SCN3A: variants seen among roughly 807,000 people sequenced by gnomAD.
The protein encoded by SCN3A is sodium channel protein type 3 subunit alpha.
A neutral mutation model predicts 187.6 loss-of-function variants in SCN3A; 60 were observed. The ratio of observed to expected loss-of-function variants is 0.32; its 90% CI spans 0.26 to 0.40. SCN3A has a LOEUF of 0.40. Among genes scored for constraint, SCN3A ranks in the 10% least tolerant of loss-of-function variants. SCN3A has a pLI of 1.00. For synonymous variants in SCN3A, 788 were observed against 829.2 expected, an observed-to-expected ratio of 0.95 and a Z score of 0.85; for missense variants, 1,601 against 2,428.2, an observed-to-expected ratio of 0.66 and a Z score of 7.16.
intron 18 of SCN3A, among the ~76,000 whole-genome samples, chr2:165,123,642 A>G (rs1302916885): frequency 6.6e-6 from 1 of 152,202 alleles, no homozygotes; most frequent in Non-Finnish European, 1.5e-5. Flanking sequence ...TCAAAAACCT[A>G]AGAAACATGA....
intron 4 of SCN3A, 99 bp from the exon 5 acceptor site, chr2:165,168,924 A>G (rs1032196008): frequency 2.6e-6 from 2 of 769,848 alleles, no homozygotes; most frequent in African/African-American, 3.5e-5. Flanking sequence ...AAACTGTGAA[A>G]TTAATATTAT....
chr2:165,158,212 C>T (rs1190086320), intron 9 of SCN3A, among the ~76,000 whole-genome samples: 3 of 93,372 alleles, frequency 3.2e-5, no homozygotes, highest in Non-Finnish European at 5.6e-5. Flanking sequence ...TCTATACTAC[C>T]ATTGGAAACA....
Position 165,097,362 on chromosome 2 carries a change from C to T in SCN3A, c.4129G>A (p.Asp1377Asn), listed in dbSNP as rs754043732. 8.1e-6 allele frequency: 13 copies of T among 1,613,902 alleles called. No homozygotes were observed. Among genetic ancestry groups the T allele is most frequent in the Non-Finnish European group, 1.0e-5 (12 of 1,179,978 alleles). Residue 1377 changes from aspartate to asparagine, a missense_variant, in exon 23 of 28, where the codon GAT becomes AAT. Physicochemically the swap from Asp to Asn is conservative, Grantham distance 23. This residue lies in a region of SCN3A where 320 missense variants were observed against 623.2 expected (regional missense o/e 0.51). Transcript: ENST00000283254. Reference protein sequence around the residue: ...MTTGNMFDISDVNNLSDCQAL... With the variant: ...MTTGNMFDISNVNNLSDCQAL... ...TGACAGTCACTCAAATTGTTAACATCACTAATGTCAAACATGTTACCCGTT... is the reference window on the plus strand; with the variant it reads ...TGACAGTCACTCAAATTGTTAACATTACTAATGTCAAACATGTTACCCGTT...
intron 1 of SCN3A, among the ~76,000 whole-genome samples, chr2:165,200,234 T>A (rs1171548009): frequency 6.6e-6 from 1 of 152,082 alleles, no homozygotes; most frequent in Non-Finnish European, 1.5e-5. Context: ...GGGTAATTAA[T>A]CCTCACAGTT....
Position 165,094,491 on chromosome 2 carries a change from T to G in SCN3A, c.4432-13A>C. 6.5e-7 allele frequency: 1 copy of G among 1,531,972 alleles called. No homozygotes were observed. Among genetic ancestry groups the G allele is most frequent in the Non-Finnish European group, 9.0e-7 (1 of 1,105,590 alleles). The allele number at this position is 1,531,972 out of a possible 1,614,324, so 94.9% of individuals were successfully genotyped here. A position where few individuals can be genotyped will look rare whatever the true frequency, so the allele number is the denominator to read the frequency against. The stretch of plus-strand genomic sequence containing the variant: ...CTTGACCTCCAAAGTAAAGACATAG[T>G]ATAAAACTGGTTACAATTCTGTGTT... On this transcript the variant is annotated splice_polypyrimidine_tract_variant and intron_variant, in intron 25 of 27. Coordinates refer to ENST00000283254, the MANE Select transcript of SCN3A (RefSeq NM_006922.4).
chr2:165,194,455 G>A (rs1206476133), intron 1 of SCN3A, among the ~76,000 whole-genome samples: 1 of 152,062 alleles, frequency 6.6e-6, no homozygotes, highest in Non-Finnish European at 1.5e-5. Flanking sequence ...TGTTCCTGAG[G>A]TAGGTGTGTC....
intron 22 of SCN3A, chr2:165,097,752 G>C: frequency 1.7e-6 from 1 of 578,736 alleles, no homozygotes; most frequent in Non-Finnish European, 3.0e-6. Flanking sequence ...AGTATGAAAA[G>C]AAATCATTAA....
Position 165,176,348 on chromosome 2 carries a change from AGGCGG to A in SCN3A, c.42_46del (p.Arg15PhefsTer3), listed in dbSNP as rs1351941304. The A allele has an allele frequency of 6.2e-7, 1 of 1,613,972 alleles. No individual in the cohort carries two copies. The highest frequency in any genetic ancestry group is 1.3e-5 in the African/African-American group (1 of 74,914). On this transcript the variant is annotated frameshift_variant, in exon 3 of 28. Coordinates refer to ENST00000283254, the MANE Select transcript of SCN3A (RefSeq NM_006922.4). LOFTEE classifies it high-confidence loss of function. ...AGCAGCAAGAGATTCTCTAGTAAAA[AGGCGG>A]AAGCTTTCAGGTCCTGGGGGTACCA... is the stretch of plus-strand genomic sequence containing the variant.
chr2:165,130,494 T>C (rs1402499273), intron 16 of SCN3A, 198 bp from the exon 17 acceptor site: 1 of 598,078 alleles, frequency 1.7e-6, no homozygotes, highest in Admixed American at 3.1e-5. Flanking sequence ...ATCATTTAAG[T>C]GCAAAAATAA....
At chr2:165,148,591 A>T (rs1403688891) in intron 11 of SCN3A, among the ~76,000 whole-genome samples, 1 of 152,058 alleles carries the variant, frequency 6.6e-6, no homozygotes, top group Admixed American at 6.5e-5. Flanking sequence ...AGGGAAACTT[A>T]GTACTAAATA....
At chr2:165,161,352 C>A (rs188585632) in intron 9 of SCN3A, among the ~76,000 whole-genome samples, 1 of 152,084 alleles carries the variant, frequency 6.6e-6, no homozygotes, top group East Asian at 1.9e-4. Context: ...GCTTAGGACA[C>A]TTTTCCAAGG....
intron 2 of SCN3A, among the ~76,000 whole-genome samples, chr2:165,186,213 T>A (rs2105953227): frequency 6.6e-6 from 1 of 152,050 alleles, no homozygotes; most frequent in Non-Finnish European, 1.5e-5. Context: ...GAGCTTGCGG[T>A]GAGCGAAGTT....
intron 20 of SCN3A, 86 bp downstream of exon 20, chr2:165,113,730 C>T: frequency 7.0e-7 from 1 of 1,425,838 alleles, no homozygotes; most frequent in Non-Finnish European, 9.9e-7. Flanking sequence ...TCTTTTGATT[C>T]TGAAGCTCAG....
At chr2:165,127,547 C>T in intron 18 of SCN3A, 84 bp downstream of exon 18, 2 of 1,042,324 alleles carry the variant, frequency 1.9e-6, no homozygotes, top group Non-Finnish European at 2.9e-6. Context: ...TTTGATAATG[C>T]ATATAAGCAC....
intron 1 of SCN3A, among the ~76,000 whole-genome samples, chr2:165,190,798 A>C (rs1574340486): frequency 2.6e-5 from 4 of 151,810 alleles, no homozygotes; most frequent in Admixed American, 2.6e-4. Flanking sequence ...TGAACTTGGA[A>C]GCACTGTATC....
intron 18 of SCN3A, among the ~76,000 whole-genome samples, chr2:165,117,263 C>T (rs1686417324): frequency 6.6e-6 from 1 of 151,840 alleles, no homozygotes. Flanking sequence ...AATAAGAAAC[C>T]AAAGTATTTG....
At chr2:165,146,656 C>G (rs1447433710) in intron 12 of SCN3A, 83 bp downstream of exon 12, 1 of 1,494,662 alleles carries the variant, frequency 6.7e-7, no homozygotes, top group African/African-American at 1.4e-5. Context: ...TCAGATAGTA[C>G]AAAAGTGTAC....
chr2:165,194,053 G>A (rs998522907), intron 1 of SCN3A, among the ~76,000 whole-genome samples: 1 of 152,070 alleles, frequency 6.6e-6, no homozygotes, highest in Admixed American at 6.6e-5. Flanking sequence ...AGAAGATAAT[G>A]CAATATACTA....
At chr2:165,100,458 A>G in intron 21 of SCN3A, 34 bp from the exon 22 acceptor site, 1 of 1,605,548 alleles carries the variant, frequency 6.2e-7, no homozygotes, top group Non-Finnish European at 8.5e-7. Flanking sequence ...TTAGTTCACC[A>G]AGAAATAAAC....
Sources: allele counts gnomAD v4.1 joint callset (sites outside exome capture counted in the v4.1 genomes callset), GRCh38; gene constraint gnomAD v4.1.1; regional missense constraint gnomAD v4.1.1; transcripts MANE v1.5; gene names NCBI Gene and HGNC (gene_info 2026-07-23, HGNC 2026-07-21).